TESK2: variants seen among roughly 807,000 people sequenced by gnomAD.
TESK2 encodes the protein testis associated actin remodelling kinase 2.
A neutral mutation model predicts 57.1 loss-of-function variants in TESK2; 39 were observed. That is an observed-to-expected ratio of 0.68 (90% CI 0.53 to 0.89). The LOEUF is 0.89. TESK2 is among the 40% of genes least tolerant of loss of function. The pLI is 0.00. For missense variants in TESK2, 646 were observed against 732.1 expected (o/e 0.88, Z 1.36); for synonymous variants, 249 against 267.9 (o/e 0.93, Z 0.69).
chr1:45,484,362 G>A (rs2149309169), intron 1 of TESK2, among the ~76,000 whole-genome samples: 1 of 151,980 alleles, frequency 6.6e-6, no homozygotes, highest in Non-Finnish European at 1.5e-5. Flanking sequence ...ACCGGCCTCT[G>A]CCGCCCAAAG....
intron 3 of TESK2, among the ~76,000 whole-genome samples, chr1:45,417,380 C>A (rs970522093): frequency 6.6e-6 from 1 of 151,702 alleles, no homozygotes; most frequent in African/African-American, 2.4e-5. Context: ...TACAGGCATG[C>A]ACCACCACAC....
At chr1:45,430,543 C>T (rs1476989273) in intron 2 of TESK2, among the ~76,000 whole-genome samples, 2 of 152,164 alleles carry the variant, frequency 1.3e-5, no homozygotes, top group African/African-American at 4.8e-5. Flanking sequence ...TCTCTCAGGT[C>T]TGAGCTCTGC....
intron 2 of TESK2, among the ~76,000 whole-genome samples, chr1:45,430,005 G>A (rs958379080): frequency 6.6e-6 from 1 of 151,932 alleles, no homozygotes; most frequent in Non-Finnish European, 1.5e-5. Context: ...TTCTATTTTA[G>A]GAAATGAAGA....
Position 45,365,967 on chromosome 1 carries a change from C to T in TESK2, c.394-10518G>A, listed in dbSNP as rs189709778. Among the ~76,000 whole-genome samples the T allele has an allele frequency of 1.4e-3, 218 of 152,250 alleles. 1 individual carries two copies. Among genetic ancestry groups the T allele is most frequent in the African/African-American group, 4.8e-3 (198 of 41,554 alleles). Reference sequence around the variant, plus strand: ...GGGATTACAGGCATGAGCCACTGCACCCAGCCTAATTTTGTATTTTTAGTA... The same window carrying T: ...GGGATTACAGGCATGAGCCACTGCATCCAGCCTAATTTTGTATTTTTAGTA... On this transcript the variant is annotated intron_variant, in intron 4 of 10. Transcript: ENST00000372086.
intron 3 of TESK2, among the ~76,000 whole-genome samples, chr1:45,390,485 C>T (rs1219009544): frequency 6.6e-6 from 1 of 151,546 alleles, no homozygotes; most frequent in African/African-American, 2.4e-5. Context: ...TAGAAATCTT[C>T]CCTTGCCCCC....
At chr1:45,408,343 A>G (rs978948253) in intron 3 of TESK2, among the ~76,000 whole-genome samples, 1 of 151,870 alleles carries the variant, frequency 6.6e-6, no homozygotes, top group Non-Finnish European at 1.5e-5. Flanking sequence ...ATTTTTTTTT[A>G]AATTTTTTCC....
At chr1:45,409,623 TC>T (rs1212959187) in intron 3 of TESK2, among the ~76,000 whole-genome samples, 1 of 152,128 alleles carries the variant, frequency 6.6e-6, no homozygotes, top group East Asian at 1.9e-4. Flanking sequence ...AGACAAGAGA[TC>T]AATTAGGATG....
At chr1:45,486,782 TAC>T (rs71052887) in intron 1 of TESK2, among the ~76,000 whole-genome samples, 13,640 of 115,764 alleles carry the variant, frequency 0.12, 766 homozygotes, top group African/African-American at 0.16. Flanking sequence ...CCTCCCAGCA[TAC>T]ACACACACAC....
intron 4 of TESK2, among the ~76,000 whole-genome samples, chr1:45,362,013 C>T (rs1647709748): frequency 6.6e-6 from 1 of 152,146 alleles, no homozygotes; most frequent in Non-Finnish European, 1.5e-5. Context: ...TATTTTACCA[C>T]GATAGAGAAT....
chr1:45,490,218 G>T (rs1653659380), intron 1 of TESK2, among the ~76,000 whole-genome samples: 1 of 152,208 alleles, frequency 6.6e-6, no homozygotes, highest in Admixed American at 6.5e-5. Flanking sequence ...TCCTCAGCAA[G>T]TTCTTCTCAG....
rs780419936 is a variant in TESK2, at chr1:45,485,190, G to GTT, written c.-87+5660_-87+5661dup. Among the ~76,000 whole-genome samples, 26 of 141,292 alleles carry GTT rather than the reference G, an allele frequency of 1.8e-4. 1 individual carries two copies. The highest frequency in any genetic ancestry group is 3.2e-4 in the Non-Finnish European group (20 of 61,998). 92.7% of individuals were successfully genotyped at this position (141,292 alleles called of 152,430 possible). On this transcript the variant is annotated intron_variant, in intron 1 of 10. Coordinates refer to ENST00000372086, the MANE Select transcript of TESK2 (RefSeq NM_007170.3). ...AAGATTTTTCACTGTTTTGTTTTTT[G>GTT]TTTTTTGTTTTTTTTTGAGATGGAG...
chr1:45,486,968 A>G (rs575237089), intron 1 of TESK2, among the ~76,000 whole-genome samples: 1 of 151,078 alleles, frequency 6.6e-6, no homozygotes, highest in Non-Finnish European at 1.5e-5. Flanking sequence ...GATTACATGC[A>G]TGCACCACCA....
At chr1:45,454,937 G>A (rs941354693) in intron 2 of TESK2, among the ~76,000 whole-genome samples, 1 of 152,092 alleles carries the variant, frequency 6.6e-6, no homozygotes, top group Non-Finnish European at 1.5e-5. Context: ...AAGGTACCTA[G>A]AATAAGCAAA....
At chr1:45,394,324 T>C (rs1009655601) in intron 3 of TESK2, among the ~76,000 whole-genome samples, 5 of 121,950 alleles carry the variant, frequency 4.1e-5, no homozygotes, top group Admixed American at 8.0e-5. Flanking sequence ...CACAGCTGGC[T>C]TTTTTTTTTT....
At chr1:45,434,617 T>C (rs951014924) in intron 2 of TESK2, among the ~76,000 whole-genome samples, 36 of 152,308 alleles carry the variant, frequency 2.4e-4, no homozygotes, top group African/African-American at 8.4e-4. Context: ...ACCATTCCTA[T>C]GTTTTCTTTC....
At chr1:45,355,242 T>C (rs1205895768) in intron 5 of TESK2, 61 bp downstream of exon 5, 4 of 1,576,426 alleles carry the variant, frequency 2.5e-6, no homozygotes, top group Non-Finnish European at 3.5e-6. Flanking sequence ...CTAACACAGC[T>C]TTCTTGGCAA....
chr1:45,374,111 T>G (rs760635826), intron 4 of TESK2, among the ~76,000 whole-genome samples: 2 of 152,234 alleles, frequency 1.3e-5, no homozygotes, highest in Non-Finnish European at 2.9e-5. Flanking sequence ...CCTTCTGCTG[T>G]CCTCATACTA....
chr1:45,469,700 A>G (rs1330095652), intron 1 of TESK2, among the ~76,000 whole-genome samples: 1 of 152,230 alleles, frequency 6.6e-6, no homozygotes, highest in African/African-American at 2.4e-5. Flanking sequence ...GCCTTCCTTC[A>G]GTCATTCAAT....
rs1007860 is a variant in TESK2 at position 45,446,055 on chromosome 1, G to T, written c.222+11509C>A. Among the ~76,000 whole-genome samples, 1,481 of 151,950 alleles carry T rather than the reference G, an allele frequency of 9.7e-3. 4 individuals are homozygous for T. Among genetic ancestry groups the T allele is most frequent in the Non-Finnish European group, 0.016 (1,055 of 67,964 alleles). Reference sequence around the variant, plus strand: ...CAATTATCCTAGAAGAATAGGAAAAGTTTTCCAAGTACTTGGCACAGAATT... The same window carrying T: ...CAATTATCCTAGAAGAATAGGAAAATTTTTCCAAGTACTTGGCACAGAATT... On this transcript the variant is annotated intron_variant, in intron 2 of 10. Coordinates refer to ENST00000372086, the MANE Select transcript of TESK2 (RefSeq NM_007170.3).
Sources: gnomAD v4.1 joint callset for allele counts (sites outside exome capture counted in the v4.1 genomes callset) on GRCh38, gnomAD v4.1.1 for gene constraint, MANE v1.5 for transcripts, NCBI Gene and HGNC (gene_info 2026-07-23, HGNC 2026-07-21) for gene names.